PARP16: variants seen among roughly 807,000 people sequenced by gnomAD.
PARP16 encodes the protein protein mono-ADP-ribosyltransferase PARP16.
Under a neutral mutation model 35.0 loss-of-function variants are expected in PARP16, and 31 were observed. That is an observed-to-expected ratio of 0.88 (90% CI 0.66 to 1.19). The LOEUF is 1.19. Among genes scored for constraint, PARP16 ranks in the 50% most tolerant of loss-of-function variants. The pLI is 0.00. For synonymous variants in PARP16, 162 were observed against 169.5 expected, an observed-to-expected ratio of 0.96 and a Z score of 0.34; for missense variants, 424 against 411.2, an observed-to-expected ratio of 1.03 and a Z score of -0.27.
At chr15:65,249,421 G>A (rs917404633) in intron 2 of PARP16, among the ~76,000 whole-genome samples, 4 of 152,248 alleles carry the variant, frequency 2.6e-5, no homozygotes, top group Non-Finnish European at 5.9e-5. Context: ...GCCTGGAGTG[G>A]CTTGAGGCTG....
chr15:65,281,106 T>A (rs1325746877), intron 1 of PARP16, among the ~76,000 whole-genome samples: 1 of 151,828 alleles, frequency 6.6e-6, no homozygotes, highest in East Asian at 1.9e-4. Flanking sequence ...CCAGAAAGGG[T>A]CTACAGGCTA....
At chr15:65,249,344 C>A (rs963317132) in intron 2 of PARP16, among the ~76,000 whole-genome samples, 2 of 152,094 alleles carry the variant, frequency 1.3e-5, no homozygotes, top group African/African-American at 4.8e-5. Flanking sequence ...GGGCTCCCAC[C>A]CCAGGGACAG....
chr15:65,255,178 C>G (rs2089463573), downstream of PARP16, among the ~76,000 whole-genome samples: 1 of 152,108 alleles, frequency 6.6e-6, no homozygotes. Context: ...AATGTTAAGT[C>G]TCGTGTAGGG....
chr15:65,260,821 AC>A, intron 5 of PARP16, 63 bp downstream of exon 5: 2 of 1,508,864 alleles, frequency 1.3e-6, no homozygotes, highest in Non-Finnish European at 1.8e-6. Context: ...GGAGGCTGAT[AC>A]CTACAACAAC....
intron 3 of PARP16, among the ~76,000 whole-genome samples, chr15:65,247,760 G>A (rs960851212): frequency 6.6e-6 from 1 of 151,014 alleles, no homozygotes; most frequent in Non-Finnish European, 1.5e-5. Flanking sequence ...GTATACACAG[G>A]CGATAACACA....
chr15:65,260,970 T>C lies in PARP16; in HGVS notation c.748A>G (p.Ile250Val). 6.2e-7 allele frequency: 1 copy of C among 1,613,830 alleles called. No homozygotes were observed. ...GTGACCACGAAGTACTTGGGAGGGA[T>C]GTCTCCCCCTTCACTATGTTTGATT... ...ARIKHSEGGD[I>V]PPKYFVVTNN... Residue 250 changes from isoleucine (I) to valine (V), a missense_variant, in exon 5 of 6, where the codon ATC becomes GTC. Coordinates refer to ENST00000649807, the MANE Select transcript of PARP16 (RefSeq NM_001316943.2).
At chr15:65,261,771 T>C (rs956684477) in intron 4 of PARP16, among the ~76,000 whole-genome samples, 7 of 152,140 alleles carry the variant, frequency 4.6e-5, no homozygotes, top group Admixed American at 3.9e-4. Context: ...ACAGGCATTT[T>C]AAATGAACCA....
rs71136328 is a variant in PARP16 at position 65,239,659 on chromosome 15, C to CT, written c.*98-4837dup. On this transcript the variant is annotated intron_variant and NMD_transcript_variant, in intron 3 of 3. Transcript: ENST00000559805. Reference sequence around the variant, plus strand: ...GATAGAAAATAGTATGTAATTTTTTCTTTTTTTTTTTTTTTGAGGCAGAGT... The same window carrying CT: ...GATAGAAAATAGTATGTAATTTTTTCTTTTTTTTTTTTTTTTGAGGCAGAGT... Among the ~76,000 whole-genome samples the CT allele has an allele frequency of 7.8e-3, 1,003 of 129,344 alleles. 9 individuals are homozygous for CT. Among genetic ancestry groups the CT allele is most frequent in the African/African-American group, 0.026 (936 of 36,314 alleles). 84.9% of individuals were successfully genotyped at this position (129,344 alleles called of 152,430 possible).
At chr15:65,272,790 C>G (rs1233704955) in intron 1 of PARP16, among the ~76,000 whole-genome samples, 1 of 152,224 alleles carries the variant, frequency 6.6e-6, no homozygotes, top group African/African-American at 2.4e-5. Context: ...TCTATCTCCT[C>G]TCCAACAAGG....
intron 1 of PARP16, among the ~76,000 whole-genome samples, chr15:65,275,929 C>T (rs932045035): frequency 1.3e-5 from 2 of 152,160 alleles, no homozygotes; most frequent in African/African-American, 4.8e-5. Context: ...GAGTCACAGC[C>T]CTTGTCAACA....
chr15:65,286,127 A>C, intron 1 of PARP16, 126 bp downstream of exon 1: 1 of 777,094 alleles, frequency 1.3e-6, no homozygotes, highest in East Asian at 3.3e-5. Context: ...AGGCAAGACC[A>C]AGCTGGGAAT....
chr15:65,237,599 T>A (rs1053034566), intron 3 of PARP16, among the ~76,000 whole-genome samples: 2 of 151,568 alleles, frequency 1.3e-5, no homozygotes, highest in Admixed American at 1.3e-4. Context: ...ATTGGAGTGA[T>A]GTGGCTATAA....
chr15:65,242,456 C>T (rs972273431), intron 3 of PARP16, among the ~76,000 whole-genome samples: 2 of 151,816 alleles, frequency 1.3e-5, no homozygotes, highest in African/African-American at 2.4e-5. Context: ...ATGCCAATTT[C>T]AGAAAATTGT....
At chr15:65,261,458 T>C (rs754859383) in intron 4 of PARP16, among the ~76,000 whole-genome samples, 1 of 150,204 alleles carries the variant, frequency 6.7e-6, no homozygotes, top group African/African-American at 2.4e-5. Context: ...GTTTTGTTTT[T>C]TTTTTGTTTT....
At chr15:65,267,904 G>C (rs957936255) in intron 2 of PARP16, among the ~76,000 whole-genome samples, 10 of 151,558 alleles carry the variant, frequency 6.6e-5, no homozygotes, top group African/African-American at 2.2e-4. Flanking sequence ...TCTTGGCCAG[G>C]CTGGTCTTGA....
intron 3 of PARP16, among the ~76,000 whole-genome samples, chr15:65,235,860 G>A (rs2088866605): frequency 1.4e-5 from 2 of 145,882 alleles, no homozygotes; most frequent in South Asian, 4.3e-4. Flanking sequence ...TTGCAGATAT[G>A]GTTTTTTTTT....
chr15:65,267,349 T>G lies in PARP16; in HGVS notation c.313-581A>C, dbSNP rs1479734991. On this transcript the variant is annotated intron_variant, in intron 2 of 5. Transcript: ENST00000649807. ...AGGGCTGGGTGCGGTGGCTCACACC[T>G]GTAATCCCAGCACTTTGGGCGGCCG... Among the ~76,000 whole-genome samples, 9 of 152,230 alleles carry G rather than the reference T, an allele frequency of 5.9e-5. No individual in the cohort carries two copies. In the East Asian group the frequency reaches 1.2e-3, roughly 20 times the overall value.
At chr15:65,234,494 C>T (rs975342126) in exon 4 of PARP16, 5 of 152,212 alleles carry the variant, frequency 3.3e-5, no homozygotes, top group East Asian at 1.9e-4. Flanking sequence ...TTTATTCATT[C>T]GGTGTTTATT....
chr15:65,255,696 G>A (rs2089480975), downstream of PARP16, among the ~76,000 whole-genome samples: 1 of 149,126 alleles, frequency 6.7e-6, no homozygotes, highest in South Asian at 2.1e-4. Context: ...TCTTTTTGCA[G>A]GGAGGGGGGT....
Sources: allele counts gnomAD v4.1 joint callset (sites outside exome capture counted in the v4.1 genomes callset), GRCh38; gene constraint gnomAD v4.1.1; transcripts MANE v1.5; gene names NCBI Gene and HGNC (gene_info 2026-07-23, HGNC 2026-07-21).